TCEA1: variants seen among roughly 807,000 people sequenced by gnomAD.
TCEA1 encodes the protein transcription elongation factor A1, also known as transcription elongation factor A protein 1.
TCEA1 carries 21 observed loss-of-function variants against 43.8 expected under a neutral mutation model. That is an observed-to-expected ratio of 0.48 (90% CI 0.34 to 0.69). TCEA1 has a LOEUF of 0.69. TCEA1 is among the 30% of genes least tolerant of loss of function. TCEA1 has a pLI of 0.01. For synonymous variants in TCEA1, 104 were observed against 117.5 expected (o/e 0.88, Z 0.75); for missense variants, 250 against 365.1 (o/e 0.68, Z 2.57).
At position 54,015,778 on chromosome 8, in the gene TCEA1, C is replaced by T. The variant is rs1483430458; in HGVS notation, c.64-5286G>A. ...TTACAACTCAATAATAAAAAGACAA[C>T]CCAATTTAAAAATGGACTAATCCAA... On this transcript the variant is annotated intron_variant, in intron 1 of 9. Coordinates refer to ENST00000521604, the MANE Select transcript of TCEA1 (RefSeq NM_006756.4). Among the ~76,000 whole-genome samples, 3 of 152,096 alleles carry T rather than the reference C, an allele frequency of 2.0e-5. No homozygotes were observed. In the East Asian group the frequency reaches 5.8e-4, roughly 29 times the overall value.
intron 4 of TCEA1, among the ~76,000 whole-genome samples, chr8:53,990,099 G>A (rs1032683872): frequency 1.3e-5 from 2 of 151,962 alleles, no homozygotes; most frequent in South Asian, 2.1e-4. Context: ...CTTGGGGGCT[G>A]AAGTAGGGGG....
chr8:53,979,947 C>G (rs1411334812), intron 7 of TCEA1, among the ~76,000 whole-genome samples: 1 of 152,178 alleles, frequency 6.6e-6, no homozygotes, highest in African/African-American at 2.4e-5. Flanking sequence ...GAATAGTTAC[C>G]ACCAAACTAT....
At chr8:53,982,451 T>G (rs1803542040) in intron 7 of TCEA1, among the ~76,000 whole-genome samples, 1 of 151,432 alleles carries the variant, frequency 6.6e-6, no homozygotes. Flanking sequence ...CTACTAAAAG[T>G]ACAAAAATTA....
intron 8 of TCEA1, among the ~76,000 whole-genome samples, chr8:53,978,235 C>CA (rs1438802104): frequency 6.6e-6 from 1 of 151,638 alleles, no homozygotes. Flanking sequence ...CCCATCTCCG[C>CA]AAAAAAATAA....
At chr8:53,980,475 G>A (rs2129301051) in intron 7 of TCEA1, among the ~76,000 whole-genome samples, 1 of 152,326 alleles carries the variant, frequency 6.6e-6, no homozygotes. Context: ...TCATGTCTCT[G>A]TGTCACATCT....
intron 8 of TCEA1, chr8:53,972,674 A>AT (rs2129298441): frequency 1.6e-6 from 1 of 627,978 alleles, no homozygotes; most frequent in Non-Finnish European, 3.1e-6. Flanking sequence ...CAGTAGAGCT[A>AT]TTAAGTGTTC....
At chr8:53,987,303 T>C (rs187864229) in intron 5 of TCEA1, among the ~76,000 whole-genome samples, 1,829 of 152,300 alleles carry the variant, frequency 0.012, 15 homozygotes, top group Middle Eastern at 0.02. Flanking sequence ...CGTAACTCCA[T>C]AAATTCTGGC....
Position 53,967,266 on chromosome 8 carries a change from T to C in TCEA1, c.*838A>G, listed in dbSNP as rs969554732. The C allele has an allele frequency of 1.5e-5, 3 of 203,076 alleles. No homozygotes were observed. Among genetic ancestry groups the C allele is most frequent in the African/African-American group, 6.9e-5 (3 of 43,718 alleles). The allele number at this position is 203,076 out of a possible 1,614,324, so 12.6% of individuals were successfully genotyped here. On this transcript the variant is annotated 3_prime_UTR_variant, in exon 10 of 10. Transcript: ENST00000521604. ...TATACTACACTAAGATGCTAAACAT[T>C]TTCTTTCCAGTATGTCTTCCTAAGA...
At position 53,988,249 on chromosome 8, in the gene TCEA1, C is replaced by T. The variant is rs754476656; in HGVS notation, c.331G>A (p.Gly111Ser). The T allele has an allele frequency of 3.1e-6, 5 of 1,612,564 alleles. No individual in the cohort carries two copies. In the African/African-American group the frequency reaches 5.3e-5, roughly 17 times the overall value. Residue 111 changes from glycine to serine, a missense_variant, in exon 5 of 10, where the codon GGC (glycine) becomes AGC (serine). By Grantham distance (56) the Gly-to-Ser change is moderately conservative. Transcript: ENST00000521604. ...PEAREESTSS[G>S]NVSNRKDETN... ...TCATCCTTTCTGTTGCTTACATTGC[C>T]GCTGGAAGTACTGAAATACGCACAA...
At chr8:54,010,763 T>A (rs1804627276) in intron 1 of TCEA1, among the ~76,000 whole-genome samples, 1 of 152,196 alleles carries the variant, frequency 6.6e-6, no homozygotes. Flanking sequence ...TTTCTTTGTA[T>A]ACCATCAATA....
chr8:53,992,407 G>GTTCAAGAGAT, intron 4 of TCEA1, among the ~76,000 whole-genome samples: 1 of 152,106 alleles, frequency 6.6e-6, no homozygotes, highest in Non-Finnish European at 1.5e-5. Context: ...GAAATCAGGA[G>GTTCAAGAGAT]TTCAAGACCA....
At chr8:53,977,661 A>G (rs993972775) in intron 8 of TCEA1, among the ~76,000 whole-genome samples, 27 of 152,240 alleles carry the variant, frequency 1.8e-4, no homozygotes, top group Non-Finnish European at 3.8e-4. Flanking sequence ...TTTACAGCAG[A>G]TAACATAGCA....
At chr8:53,972,890 T>C (rs1437362225) in intron 8 of TCEA1, 5 of 693,644 alleles carry the variant, frequency 7.2e-6, no homozygotes, top group Non-Finnish European at 1.4e-5. Flanking sequence ...CTACTTTTGA[T>C]GATGAGCCGA....
intron 8 of TCEA1, 130 bp downstream of exon 8, chr8:53,978,895 G>T: frequency 8.9e-7 from 1 of 1,128,594 alleles, no homozygotes; most frequent in South Asian, 1.9e-5. Flanking sequence ...ATCCACTCAG[G>T]GTCTTAGAAC....
intron 2 of TCEA1, chr8:54,003,228 AACAAAATTTTTAAATCTCATGTCG>A: frequency 2.7e-6 from 1 of 367,842 alleles, no homozygotes; most frequent in South Asian, 2.1e-5. Context: ...AGATGACCCA[AACAAAATTTTTAAATCTCATGTCG>A]ATAGACCGGA....
intron 8 of TCEA1, chr8:53,972,898 C>T (rs1375038826): frequency 2.6e-5 from 18 of 685,810 alleles, no homozygotes; most frequent in African/African-American, 5.3e-5. Context: ...GATGATGAGC[C>T]GAAGGACGTA....
At position 53,970,818 on chromosome 8, in the gene TCEA1, G is replaced by A. The variant is rs551715831; in HGVS notation, c.826-355C>T. ...AACAATTTCATCAGTAAGAAGCACAGAAATGAATAAATTTAAACATATGTC... is the reference window on the plus strand; with the variant it reads ...AACAATTTCATCAGTAAGAAGCACAAAAATGAATAAATTTAAACATATGTC... On this transcript the variant is annotated intron_variant, in intron 8 of 9. Coordinates refer to ENST00000521604, the MANE Select transcript of TCEA1 (RefSeq NM_006756.4). Among the ~76,000 whole-genome samples the A allele has an allele frequency of 2.0e-5, 3 of 152,232 alleles. 1 individual carries two copies. In the South Asian group the frequency reaches 6.2e-4, roughly 31 times the overall value.
chr8:53,985,189 G>C (rs1482446014), intron 6 of TCEA1, among the ~76,000 whole-genome samples: 1 of 151,992 alleles, frequency 6.6e-6, no homozygotes, highest in Non-Finnish European at 1.5e-5. Flanking sequence ...GCTAATTTTT[G>C]TATTTTTAGT....
chr8:53,998,790 C>G (rs1401261362), intron 3 of TCEA1, among the ~76,000 whole-genome samples: 1 of 152,038 alleles, frequency 6.6e-6, no homozygotes, highest in Non-Finnish European at 1.5e-5. Flanking sequence ...AAATCATGAA[C>G]CTAAGTAAAC....
Sources: allele counts gnomAD v4.1 joint callset (sites outside exome capture counted in the v4.1 genomes callset), GRCh38; gene constraint gnomAD v4.1.1; transcripts MANE v1.5; gene names NCBI Gene and HGNC (gene_info 2026-07-23, HGNC 2026-07-21).